The following MYO10 variants were observed in gnomAD, a reference collection of about 807,000 sequenced individuals.
MYO10 encodes the protein unconventional myosin-X.
In MYO10, 133 loss-of-function variants were observed where a neutral mutation model predicts 257.3. That is an observed-to-expected ratio of 0.52 (90% CI 0.45 to 0.60). The LOEUF is 0.60. MYO10 is among the 20% of genes least tolerant of loss of function. The pLI is 0.00. For synonymous variants in MYO10, 1,104 were observed against 1,028.6 expected, an observed-to-expected ratio of 1.07 and a Z score of -1.40; for missense variants, 2,399 against 2,635.7, an observed-to-expected ratio of 0.91 and a Z score of 1.97.
At chr5:16,831,389 A>T (rs1743157623) in intron 2 of MYO10, among the ~76,000 whole-genome samples, 1 of 152,184 alleles carries the variant, frequency 6.6e-6, no homozygotes, top group South Asian at 2.1e-4. Context: ...AGAGGAAAAG[A>T]AGTCATTATA....
chr5:16,718,932 C>G (rs1047361323), intron 19 of MYO10, among the ~76,000 whole-genome samples: 16 of 152,186 alleles, frequency 1.1e-4, no homozygotes, highest in African/African-American at 3.1e-4. Flanking sequence ...AATCAGCGCC[C>G]TGACAAAACA....
chr5:16,738,486 G>T, intron 19 of MYO10: 1 of 853,056 alleles, frequency 1.2e-6, no homozygotes, highest in Non-Finnish European at 1.4e-6. Flanking sequence ...AGGGAGCCCA[G>T]TCAAGTTCCT....
chr5:16,738,262 A>C (rs1739885218), intron 19 of MYO10: 1 of 985,268 alleles, frequency 1.0e-6, no homozygotes, highest in Non-Finnish European at 1.2e-6. Context: ...GGGTGGTCAG[A>C]GAGGTGTCAG....
At chr5:16,911,157 T>G (rs527238228) in intron 1 of MYO10, among the ~76,000 whole-genome samples, 4 of 152,182 alleles carry the variant, frequency 2.6e-5, no homozygotes, top group African/African-American at 9.6e-5. Flanking sequence ...TTTAACTTAA[T>G]TTAAAAAGAC....
intron 2 of MYO10, among the ~76,000 whole-genome samples, chr5:16,859,471 C>T (rs1744052061): frequency 6.6e-6 from 1 of 152,176 alleles, no homozygotes; most frequent in Admixed American, 6.5e-5. Context: ...AAGTTTGGGG[C>T]CAGGTGCAGG....
chr5:16,694,710 C>CTTA (rs1411748254), intron 26 of MYO10, 96 bp from the exon 27 acceptor site: 4 of 1,501,602 alleles, frequency 2.7e-6, no homozygotes, highest in Non-Finnish European at 2.7e-6. Context: ...TCTAGCCGAG[C>CTTA]TTAGACTCTG....
intron 9 of MYO10, among the ~76,000 whole-genome samples, chr5:16,778,751 C>T (rs1217704860): frequency 5.7e-5 from 8 of 140,702 alleles, no homozygotes; most frequent in African/African-American, 8.2e-5. Flanking sequence ...AGTGCAGTTG[C>T]GCGATCTCGG....
chr5:16,668,516 A>G (rs1736285896), intron 39 of MYO10, 48 bp from the exon 40 acceptor site: 1 of 1,482,404 alleles, frequency 6.7e-7, no homozygotes. Context: ...AGTGGTTGGC[A>G]ACAGAAAGCA....
At position 16,780,539 on chromosome 5, in the gene MYO10, C is replaced by G; in HGVS notation, c.811G>C (p.Glu271Gln). 6.3e-7 allele frequency: 1 copy of G among 1,580,912 alleles called. No homozygotes were observed. Among genetic ancestry groups the G allele is most frequent in the South Asian group, 1.2e-5 (1 of 86,314 alleles). Reference sequence around the variant, plus strand: ...TCCCACTCACCTCTTTCTTCATGTTCCAGCCCTGCCAGCAGTGCATAAAAT... The same window carrying G: ...TCCCACTCACCTCTTTCTTCATGTTGCAGCCCTGCCAGCAGTGCATAAAAT... Reference protein sequence around the residue: ...HIFYALLAGLEHEEREEFYLS... With the variant: ...HIFYALLAGLQHEEREEFYLS... The change falls in exon 8 of 41, where the codon GAA becomes CAA. Residue 271 changes from glutamate (E) to glutamine (Q), a missense_variant. This residue lies in a region of MYO10 where 337 missense variants were observed against 446.8 expected (regional missense o/e 0.75). Coordinates refer to ENST00000513610, the MANE Select transcript of MYO10 (RefSeq NM_012334.3).
chr5:16,662,316 A>ATTTTTTTCTTTTTTTTTTTTTTTTTT lies in MYO10; in HGVS notation c.*4375_*4376insAAAAAAAAAAAAAAAAAAGAAAAAAA, dbSNP rs1736013044. On this transcript the variant is annotated 3_prime_UTR_variant, in exon 41 of 41. Transcript: ENST00000513610. ...AAGTGCTGTCTTAGATTTCTGAACT[A>ATTTTTTTCTTTTTTTTTTTTTTTTTT]TTTTTTTTTTTTTTTTTTTTTTTTG... The ATTTTTTTCTTTTTTTTTTTTTTTTTT allele has an allele frequency of 1.3e-5, 1 of 75,816 alleles. No individual in the cohort carries two copies. The highest frequency in any genetic ancestry group is 2.4e-5 in the Non-Finnish European group (1 of 42,540). 4.7% of individuals were successfully genotyped at this position (75,816 alleles called of 1,614,324 possible). A position where few individuals can be genotyped will look rare whatever the true frequency, so the allele number is the denominator to read the frequency against.
At chr5:16,825,422 G>A (rs766210218) in intron 2 of MYO10, among the ~76,000 whole-genome samples, 2 of 152,222 alleles carry the variant, frequency 1.3e-5, no homozygotes, top group Non-Finnish European at 2.9e-5. Context: ...GACCCACAGT[G>A]AGAAATGTTT....
At chr5:16,926,756 T>C (rs556918067) in intron 1 of MYO10, among the ~76,000 whole-genome samples, 4 of 151,606 alleles carry the variant, frequency 2.6e-5, no homozygotes, top group Admixed American at 1.3e-4. Context: ...TTCTCCACCT[T>C]GGTATTACTG....
chr5:16,702,848 T>TGGCTGCACAGACAGATACCGA lies in MYO10; in HGVS notation c.2510+56_2510+76dup, dbSNP rs1738146708. 2.3e-6 allele frequency: 3 copies of TGGCTGCACAGACAGATACCGA among 1,322,498 alleles called. No individual in the cohort carries two copies. In the Admixed American group the frequency reaches 6.8e-5, roughly 30 times the overall value. 81.9% of individuals were successfully genotyped at this position (1,322,498 alleles called of 1,614,324 possible). On this transcript the variant is annotated intron_variant, in intron 23 of 40. Transcript: ENST00000513610. Reference sequence around the variant, plus strand: ...GTTCTGGGGCATCTGCTGGGATTTCTGGCTGCACAGACAGATACCGAGCAC... The same window carrying TGGCTGCACAGACAGATACCGA: ...GTTCTGGGGCATCTGCTGGGATTTCTGGCTGCACAGACAGATACCGAGGCTGCACAGACAGATACCGAGCAC...
At chr5:16,795,890 C>T (rs1015299279) in intron 3 of MYO10, among the ~76,000 whole-genome samples, 5 of 151,910 alleles carry the variant, frequency 3.3e-5, no homozygotes, top group Non-Finnish European at 4.4e-5. Flanking sequence ...GTGACCATTT[C>T]GAAAATGCTA....
At chr5:16,839,809 A>AT (rs35219170) in intron 2 of MYO10, among the ~76,000 whole-genome samples, 21,676 of 152,160 alleles carry the variant, frequency 0.14, 1,833 homozygotes, top group East Asian at 0.28. Flanking sequence ...CCGTAGGCTA[A>AT]TGTAAGTGTT....
At chr5:16,759,572 G>A (rs1176546989) in intron 17 of MYO10, among the ~76,000 whole-genome samples, 2 of 152,128 alleles carry the variant, frequency 1.3e-5, no homozygotes, top group Non-Finnish European at 2.9e-5. Flanking sequence ...GGGAAACCTG[G>A]GGTTGAGACA....
chr5:16,834,645 G>A (rs1743258773), intron 2 of MYO10, among the ~76,000 whole-genome samples: 2 of 152,162 alleles, frequency 1.3e-5, no homozygotes, highest in Admixed American at 6.5e-5. Flanking sequence ...TCCAAAGACT[G>A]GGTCACAAAT....
At chr5:16,694,929 T>G (rs185722725) in intron 26 of MYO10, among the ~76,000 whole-genome samples, 3 of 152,122 alleles carry the variant, frequency 2.0e-5, no homozygotes, top group South Asian at 2.1e-4. Flanking sequence ...CAGGAATGAG[T>G]CAAAAGCCAA....
chr5:16,746,843 A>T (rs1740211201), intron 19 of MYO10, among the ~76,000 whole-genome samples: 1 of 152,210 alleles, frequency 6.6e-6, no homozygotes, highest in Non-Finnish European at 1.5e-5. Context: ...TGGAATTTAG[A>T]TTCTGTGAAA....
Sources: gnomAD v4.1 joint callset for allele counts (sites outside exome capture counted in the v4.1 genomes callset) on GRCh38, gnomAD v4.1.1 for gene constraint, gnomAD v4.1.1 regional missense constraint, MANE v1.5 for transcripts, NCBI Gene and HGNC (gene_info 2026-07-23, HGNC 2026-07-21) for gene names.